The following LEPR variants were observed in gnomAD, a reference collection of about 807,000 sequenced individuals.
The protein encoded by LEPR is OB receptor.
In LEPR, 56 loss-of-function variants were observed where a neutral mutation model predicts 114.7. The observed-to-expected ratio is 0.49, with a 90% CI of 0.39 to 0.61. The LOEUF (loss-of-function observed/expected upper bound fraction) is 0.61. Among genes scored for constraint, LEPR ranks in the 20% least tolerant of loss-of-function variants. LEPR has a pLI of 0.00. For synonymous variants in LEPR, 443 were observed against 461.4 expected (o/e 0.96, Z 0.51); for missense variants, 1,202 against 1,352.9 (o/e 0.89, Z 1.75).
chr1:65,432,530 C>G (rs1306060626), intron 2 of LEPR: 1 of 786,978 alleles, frequency 1.3e-6, no homozygotes, highest in Non-Finnish European at 1.5e-6. Context: ...GTGGCTAAAC[C>G]ACTTAACCTC....
At position 65,640,749 on chromosome 1, in the gene LEPR, A is replaced by G. The variant is rs1006929547; in HGVS notation, c.*3734A>G. On this transcript the variant is annotated 3_prime_UTR_variant, in exon 20 of 20. Coordinates refer to ENST00000349533, the MANE Select transcript of LEPR (RefSeq NM_002303.6). ...TACATGTATTTGTATAAACATTAGG[A>G]GATGATTTCCATGGCTTTTTTTTTT... 6 of 147,998 alleles carry G rather than the reference A, an allele frequency of 4.1e-5. No individual in the cohort carries two copies. The highest frequency in any genetic ancestry group is 7.4e-5 in the Non-Finnish European group (5 of 67,338). The allele number at this position is 147,998 out of a possible 1,614,324, so 9.2% of individuals were successfully genotyped here.
chr1:65,521,044 G>A (rs1198647007), intron 2 of LEPR, among the ~76,000 whole-genome samples: 3 of 152,192 alleles, frequency 2.0e-5, no homozygotes, highest in Admixed American at 1.3e-4. Flanking sequence ...CAGTTTTGGG[G>A]CCAGTTTATG....
At chr1:65,604,540 C>G (rs1290989963) in intron 10 of LEPR, among the ~76,000 whole-genome samples, 1 of 152,122 alleles carries the variant, frequency 6.6e-6, no homozygotes, top group Non-Finnish European at 1.5e-5. Flanking sequence ...TGGTCTGGAA[C>G]TCCTGGGCTC....
chr1:65,456,564 C>A (rs1010305629), intron 2 of LEPR, among the ~76,000 whole-genome samples: 1 of 152,076 alleles, frequency 6.6e-6, no homozygotes, highest in Non-Finnish European at 1.5e-5. Context: ...CTATGTAATG[C>A]CCCTCTTTGT....
chr1:65,483,868 T>C (rs185275719), intron 2 of LEPR, among the ~76,000 whole-genome samples: 1 of 152,236 alleles, frequency 6.6e-6, no homozygotes, highest in East Asian at 1.9e-4. Context: ...CTTGTCACTA[T>C]CTTCTTCCTT....
At chr1:65,615,974 C>A (rs1657501022) in intron 14 of LEPR, 34 bp from the exon 15 acceptor site, 2 of 1,612,290 alleles carry the variant, frequency 1.2e-6, no homozygotes, top group Non-Finnish European at 1.7e-6. Context: ...AGCACTGCAG[C>A]CCTTAAACTA....
chr1:65,469,211 T>G (rs1363947943), intron 2 of LEPR, among the ~76,000 whole-genome samples: 1 of 152,172 alleles, frequency 6.6e-6, no homozygotes, highest in East Asian at 1.9e-4. Flanking sequence ...GAGGCAGGGC[T>G]GTGTCTGTGT....
intron 5 of LEPR, among the ~76,000 whole-genome samples, chr1:65,584,466 A>G (rs571893806): frequency 6.6e-5 from 10 of 152,166 alleles, no homozygotes; most frequent in African/African-American, 2.4e-4. Context: ...AATATGTCCC[A>G]TTCTAGGCCA....
chr1:65,570,528 A>T lies in LEPR; in HGVS notation c.96A>T (p.Arg32Ser), dbSNP rs373650495. 6.8e-6 allele frequency: 11 copies of T among 1,613,798 alleles called. No homozygotes were observed. In the African/African-American group the frequency reaches 1.5e-4, roughly 22 times the overall value. Residue 32 changes from arginine (R) to serine (S), a missense_variant, in exon 4 of 20, where the codon AGA becomes AGT. Arg to Ser is a moderately radical substitution (Grantham distance 110). Transcript: ENST00000349533. ...FNLSYPITPW[R>S]FKLSCMPPNS... ...TGTCATATCCAATTACTCCTTGGAG[A>T]TTTAAGTTGTCTTGCATGCCACCAA...
Position 65,526,353 on chromosome 1 carries a change from A to T in LEPR, c.-20-39193A>T, listed in dbSNP as rs963034779. 8 of 985,288 alleles carry T rather than the reference A, an allele frequency of 8.1e-6. No individual in the cohort carries two copies. The Admixed American group carries it at 4.9e-4, about 61-fold the overall frequency. The allele number at this position is 985,288 out of a possible 1,614,324, so 61.0% of individuals were successfully genotyped here. A position where few individuals can be genotyped will look rare whatever the true frequency, so the allele number is the denominator to read the frequency against. On this transcript the variant is annotated intron_variant, in intron 2 of 19. Coordinates refer to ENST00000349533, the MANE Select transcript of LEPR (RefSeq NM_002303.6). The stretch of plus-strand genomic sequence containing the variant: ...TAGCAGCATCAGCAGCAAAACCCCA[A>T]ACCCAATCCTAACCAAACCACTTAC...
At chr1:65,432,876 T>C (rs1646505782) in intron 2 of LEPR, 1 of 800,498 alleles carries the variant, frequency 1.2e-6, no homozygotes, top group South Asian at 5.7e-5. Flanking sequence ...TTCCACCTTA[T>C]ATTCAAAAAT....
At position 65,572,290 on chromosome 1, in the gene LEPR, GTTTTTTTTTTTTTT is replaced by G. The variant is rs747467075; in HGVS notation, c.371-22_371-9del. The G allele has an allele frequency of 2.6e-5, 21 of 799,890 alleles. No homozygotes were observed. The highest frequency in any genetic ancestry group is 4.7e-4 in the Middle Eastern group (1 of 2,126). The allele number at this position is 799,890 out of a possible 1,614,324, so 49.5% of individuals were successfully genotyped here. On this transcript the variant is annotated intron_variant, in intron 4 of 19. Coordinates refer to ENST00000349533, the MANE Select transcript of LEPR (RefSeq NM_002303.6). ...ATGGTTTTTGAGATTTCATGTAGTT[GTTTTTTTTTTTTTT>G]TTTTTTTTTTTTTAAATTCAGATGC...
chr1:65,608,605 A>G (rs1656975329), intron 11 of LEPR, 148 bp from the exon 12 acceptor site: 2 of 944,026 alleles, frequency 2.1e-6, no homozygotes. Context: ...CACATAAAGT[A>G]ATAGGGAAAC....
chr1:65,601,512 T>C lies in LEPR; in HGVS notation c.1115T>C (p.Leu372Ser). Residue 372 changes from leucine (L) to serine (S), a missense_variant, in exon 9 of 20, where the codon TTA becomes TCA. By Grantham distance (145) the Leu-to-Ser change is moderately radical. Coordinates refer to ENST00000349533, the MANE Select transcript of LEPR (RefSeq NM_002303.6). ...PSKEIVWWMN[L>S]AEKIPQSQYD... ...AAAGAGATTGTTTGGTGGATGAATT[T>C]AGCTGAGAAAATTCCTCAAAGCCAG... 1.9e-6 allele frequency: 3 copies of C among 1,613,788 alleles called. No homozygotes were observed. Among genetic ancestry groups the C allele is most frequent in the African/African-American group, 1.3e-5 (1 of 75,056 alleles).
chr1:65,628,746 C>T (rs546771252), intron 19 of LEPR, among the ~76,000 whole-genome samples: 26 of 152,056 alleles, frequency 1.7e-4, no homozygotes, highest in Non-Finnish European at 3.1e-4. Context: ...ACAAAAAGTG[C>T]TGCAGGAAGT....
intron 2 of LEPR, among the ~76,000 whole-genome samples, chr1:65,546,211 C>A (rs1474876036): frequency 1.3e-5 from 2 of 151,970 alleles, no homozygotes; most frequent in Non-Finnish European, 2.9e-5. Context: ...GTTACTGTAG[C>A]CTTGTAGTAT....
At chr1:65,594,788 T>C (rs1214035939) in intron 6 of LEPR, among the ~76,000 whole-genome samples, 1 of 151,850 alleles carries the variant, frequency 6.6e-6, no homozygotes, top group East Asian at 1.9e-4. Context: ...TGAGGGGTTA[T>C]CAGTAAGAAT....
At chr1:65,598,211 G>GGC (rs1656208569) in intron 7 of LEPR, among the ~76,000 whole-genome samples, 1 of 150,238 alleles carries the variant, frequency 6.7e-6, no homozygotes, top group Non-Finnish European at 1.5e-5. Context: ...TGGGATTACA[G>GGC]GCATGAGCCA....
chr1:65,585,411 A>G (rs1655248374), intron 5 of LEPR, among the ~76,000 whole-genome samples: 1 of 151,982 alleles, frequency 6.6e-6, no homozygotes, highest in Non-Finnish European at 1.5e-5. Flanking sequence ...TGGGAAGAAA[A>G]ATTGGACCAA....
Sources: allele counts gnomAD v4.1 joint callset (sites outside exome capture counted in the v4.1 genomes callset), GRCh38; gene constraint gnomAD v4.1.1; transcripts MANE v1.5; gene names NCBI Gene and HGNC (gene_info 2026-07-23, HGNC 2026-07-21).